LARGE1: variants seen among roughly 807,000 people sequenced by gnomAD.
LARGE1 encodes the protein xylosyl- and glucuronyltransferase LARGE1.
In LARGE1, 43 loss-of-function variants were observed where a neutral mutation model predicts 87.6. The ratio of observed to expected loss-of-function variants is 0.49; its 90% CI spans 0.38 to 0.63. LARGE1 has a LOEUF of 0.63. LARGE1 is among the 30% of genes least tolerant of loss of function. LARGE1 has a pLI of 0.00. For missense variants in LARGE1, 802 were observed against 1,000.2 expected, an observed-to-expected ratio of 0.80 and a Z score of 2.67; for synonymous variants, 434 against 394.6, an observed-to-expected ratio of 1.10 and a Z score of -1.18.
At chr22:33,075,371 A>G in the LARGE1 span, among the ~76,000 whole-genome samples, 13,191 of 152,260 alleles carry the variant, frequency 0.087, 646 homozygotes, top group African/African-American at 0.13. Flanking sequence ...GATTTACTTA[A>G]TTTGTTTTAT....
intron 5 of LARGE1, among the ~76,000 whole-genome samples, chr22:33,592,826 TTTTG>T (rs776523931): frequency 3.4e-5 from 5 of 147,250 alleles, no homozygotes; most frequent in African/African-American, 7.6e-5. Flanking sequence ...TTTTTTCTGT[TTTTG>T]TTTGTTTGTT....
intron 10 of LARGE1, 30 bp downstream of exon 10, chr22:33,337,616 C>G (rs527296543): frequency 6.2e-7 from 1 of 1,613,666 alleles, no homozygotes; most frequent in South Asian, 1.1e-5. Context: ...GAAGCCGCCC[C>G]TTCCCTGCCC....
At chr22:33,317,591 C>T (rs532241330) in intron 10 of LARGE1, among the ~76,000 whole-genome samples, 5 of 152,172 alleles carry the variant, frequency 3.3e-5, no homozygotes, top group Non-Finnish European at 7.3e-5. Flanking sequence ...GTGAAAAGAG[C>T]AGGCACACCT....
At chr22:33,132,953 GC>G in the LARGE1 span, among the ~76,000 whole-genome samples, 2 of 152,206 alleles carry the variant, frequency 1.3e-5, no homozygotes, top group Admixed American at 6.5e-5. Context: ...GGAAGCAGAA[GC>G]TTCTTTAAAG....
intron 6 of LARGE1, among the ~76,000 whole-genome samples, chr22:33,514,514 C>T (rs909592318): frequency 3.3e-5 from 5 of 152,010 alleles, no homozygotes; most frequent in African/African-American, 1.2e-4. Flanking sequence ...AAAATTCATA[C>T]AGTATAATAA....
chr22:33,156,125 C>A, the LARGE1 span, among the ~76,000 whole-genome samples: 1 of 152,194 alleles, frequency 6.6e-6, no homozygotes, highest in Admixed American at 6.5e-5. Context: ...TCATGGAGAA[C>A]CTCTGCTAGG....
chr22:33,207,748 A>G (rs1337881174), intron 11 of LARGE1, among the ~76,000 whole-genome samples: 1 of 152,098 alleles, frequency 6.6e-6, no homozygotes, highest in Non-Finnish European at 1.5e-5. Context: ...CACTGCTCCA[A>G]CAGATATCCA....
chr22:33,441,826 C>T (rs1479342522), intron 6 of LARGE1, among the ~76,000 whole-genome samples: 1 of 152,224 alleles, frequency 6.6e-6, no homozygotes, highest in Non-Finnish European at 1.5e-5. Context: ...TAGGGCTTCA[C>T]TGGGACTCTT....
At chr22:33,242,770 G>C (rs1316434485) in intron 11 of LARGE1, among the ~76,000 whole-genome samples, 1 of 152,148 alleles carries the variant, frequency 6.6e-6, no homozygotes, top group African/African-American at 2.4e-5. Flanking sequence ...GAAAAGTATT[G>C]TCTCACAGTT....
intron 6 of LARGE1, among the ~76,000 whole-genome samples, chr22:33,514,521 A>G (rs1029926367): frequency 6.6e-5 from 10 of 152,206 alleles, no homozygotes. Context: ...ATACAGTATA[A>G]TAACTATTTA....
chr22:33,374,758 C>T (rs1011848437), intron 9 of LARGE1, among the ~76,000 whole-genome samples: 5 of 151,852 alleles, frequency 3.3e-5, no homozygotes, highest in East Asian at 3.9e-4. Flanking sequence ...TGGGTATCTA[C>T]CCAAATTATA....
chr22:33,705,536 T>C (rs1472366057), intron 2 of LARGE1, among the ~76,000 whole-genome samples: 3 of 152,164 alleles, frequency 2.0e-5, no homozygotes, highest in Non-Finnish European at 4.4e-5. Flanking sequence ...TACCACACAA[T>C]GCTCAGCCCC....
intron 1 of LARGE1, among the ~76,000 whole-genome samples, chr22:33,833,309 C>T (rs868393854): frequency 2.7e-4 from 41 of 152,194 alleles, no homozygotes; most frequent in African/African-American, 8.9e-4. Context: ...TTCTAACCAT[C>T]AGTACCTAAG....
chr22:33,304,563 C>T, intron 11 of LARGE1, 56 bp from the exon 12 acceptor site: 1 of 1,500,552 alleles, frequency 6.7e-7, no homozygotes, highest in Non-Finnish European at 8.9e-7. Flanking sequence ...GCATCATCCG[C>T]CGGGCCTGTT....
At chr22:33,119,571 T>C in the LARGE1 span, among the ~76,000 whole-genome samples, 4 of 152,052 alleles carry the variant, frequency 2.6e-5, no homozygotes, top group African/African-American at 4.8e-5. Flanking sequence ...CTTTTTTTTT[T>C]CCCATGGTCT....
At chr22:33,136,680 T>C in the LARGE1 span, among the ~76,000 whole-genome samples, 1 of 152,166 alleles carries the variant, frequency 6.6e-6, no homozygotes. Context: ...TTAATATAAA[T>C]CCTGGGAACT....
the LARGE1 span, chr22:33,105,522 C>A: frequency 6.6e-6 from 1 of 152,166 alleles, no homozygotes; most frequent in African/African-American, 2.4e-5. Flanking sequence ...CTGCGAGGAG[C>A]TTCCCGAGGC....
intron 2 of LARGE1, among the ~76,000 whole-genome samples, chr22:33,691,485 T>C (rs1265565971): frequency 6.6e-6 from 1 of 152,142 alleles, no homozygotes; most frequent in Non-Finnish European, 1.5e-5. Flanking sequence ...CAGCAAATAT[T>C]GACTGCACAG....
At position 33,627,860 on chromosome 22, in the gene LARGE1, G is replaced by A. The variant is rs1228003852; in HGVS notation, c.409-1534C>T. ...ATTTTCTCAGAAATCCTACAATTAT[G>A]GGCTTGCCACATGAGCAGGACTCAG... is the stretch of plus-strand genomic sequence containing the variant. On this transcript the variant is annotated intron_variant, in intron 3 of 14. Transcript: ENST00000397394. Among the ~76,000 whole-genome samples, 5 of 152,112 alleles carry A rather than the reference G, an allele frequency of 3.3e-5. No homozygotes were observed. The East Asian group carries it at 9.6e-4, about 29-fold the overall frequency.
Sources: gnomAD v4.1 joint callset for allele counts (sites outside exome capture counted in the v4.1 genomes callset) on GRCh38, gnomAD v4.1.1 for gene constraint, MANE v1.5 for transcripts, NCBI Gene and HGNC (gene_info 2026-07-23, HGNC 2026-07-21) for gene names.